Variants in NUMA1 observed in about 807,000 individuals in gnomAD.
The protein encoded by NUMA1 is nuclear mitotic apparatus protein 1.
Under a neutral mutation model 237.1 loss-of-function variants are expected in NUMA1, and 62 were observed. The ratio of observed to expected loss-of-function variants is 0.26; its 90% CI spans 0.21 to 0.32. NUMA1 has a LOEUF of 0.32. NUMA1 is among the 10% of genes least tolerant of loss of function. The probability of loss-of-function intolerance (pLI) is 1.00; values close to 1 mark genes in which losing one functional copy is unlikely to be tolerated. For synonymous variants in NUMA1, 1,028 were observed against 1,066.1 expected (o/e 0.96, Z 0.70); for missense variants, 2,533 against 2,666.5 (o/e 0.95, Z 1.10).
chr11:72,018,560 A>C, intron 10 of NUMA1, 47 bp from the exon 11 acceptor site: 2 of 1,518,546 alleles, frequency 1.3e-6, no homozygotes, highest in Non-Finnish European at 1.8e-6. Context: ...AACTATGTGC[A>C]TGAGCGGAAC....
In NUMA1 at chr11:72,017,835, G is replaced by A. The variant is rs373440927; in HGVS notation, c.979-8C>T. On this transcript the variant is annotated splice_region_variant and splice_polypyrimidine_tract_variant and intron_variant, in intron 12 of 26. Transcript: ENST00000393695. ...ACTGGCAAACTCCCGCAGCTGAGAC[G>A]GGCAAGTGAGAATCCCCATCACCCA... 87 of 1,568,576 alleles carry A rather than the reference G, an allele frequency of 5.5e-5. 1 individual carries two copies. The highest frequency in any genetic ancestry group is 5.1e-4 in the South Asian group (46 of 89,450).
chr11:72,033,364 GTTTTTTTTTTTT>G (rs58353057), intron 3 of NUMA1, among the ~76,000 whole-genome samples: 4 of 144,690 alleles, frequency 2.8e-5, no homozygotes, highest in African/African-American at 5.3e-5. Flanking sequence ...CATGTTCTTT[GTTTTTTTTTTTT>G]TTTTTTTTTT....
intron 2 of NUMA1, chr11:72,068,272 C>T (rs950658342): frequency 1.3e-5 from 2 of 152,230 alleles, no homozygotes; most frequent in Non-Finnish European, 2.9e-5. Context: ...TCCCTCAACA[C>T]ACTTGTGTTT....
In NUMA1 at chr11:72,029,225, G is replaced by A. The variant is rs558982815; in HGVS notation, c.108C>T (p.Phe36=). Reference sequence around the variant, plus strand: ...CTCACATTCTGTCAATGATCTTGATGAAGATGCTGCAGTCCTGGAGCTGCA... The same window carrying A: ...CTCACATTCTGTCAATGATCTTGATAAAGATGCTGCAGTCCTGGAGCTGCA... The part of the protein sequence containing the change: ...AVLQLQDCSI[F]IKIIDRIHGT... Residue 36 remains phenylalanine, a synonymous_variant, in exon 4 of 27, where the codon TTC becomes TTT. Coordinates refer to ENST00000393695, the MANE Select transcript of NUMA1 (RefSeq NM_006185.4). 7 of 1,611,302 alleles carry A rather than the reference G, an allele frequency of 4.3e-6. No homozygotes were observed. Among genetic ancestry groups the A allele is most frequent in the Non-Finnish European group, 5.1e-6 (6 of 1,179,552 alleles).
intron 2 of NUMA1, among the ~76,000 whole-genome samples, chr11:72,062,847 C>T (rs915774968): frequency 6.6e-5 from 10 of 151,452 alleles, no homozygotes; most frequent in Admixed American, 6.6e-4. Context: ...CCAAGGTGGG[C>T]GGATCACCTG....
In NUMA1 at chr11:72,032,405, G is replaced by A. The variant is rs1415653295; in HGVS notation, c.43-3115C>T. On this transcript the variant is annotated intron_variant, in intron 3 of 26. Coordinates refer to ENST00000393695, the MANE Select transcript of NUMA1 (RefSeq NM_006185.4). ...CTGCAGAAAATGAAGAGACTGCCAAGGCTAAACCATCTCCTATCAATACCT... is the reference window on the plus strand; with the variant it reads ...CTGCAGAAAATGAAGAGACTGCCAAAGCTAAACCATCTCCTATCAATACCT... 2.0e-5 allele frequency among the ~76,000 whole-genome samples: 3 copies of A among 152,082 alleles called. 1 individual carries two copies. The highest frequency in any genetic ancestry group is 4.4e-5 in the Non-Finnish European group (3 of 68,032).
intron 2 of NUMA1, among the ~76,000 whole-genome samples, chr11:72,058,914 A>G (rs952804902): frequency 6.6e-6 from 1 of 152,174 alleles, no homozygotes; most frequent in Non-Finnish European, 1.5e-5. Flanking sequence ...AATCCTGGCA[A>G]GTGCAGACAG....
At chr11:72,039,217 C>T (rs1941390391) in intron 2 of NUMA1, among the ~76,000 whole-genome samples, 1 of 152,216 alleles carries the variant, frequency 6.6e-6, no homozygotes, top group Non-Finnish European at 1.5e-5. Flanking sequence ...TAATGTAAAC[C>T]ACCTGCTCAG....
In NUMA1 at chr11:72,014,994, T is replaced by A; in HGVS notation, c.2509A>T (p.Thr837Ser). The A allele has an allele frequency of 2.5e-6, 4 of 1,614,028 alleles. No individual in the cohort carries two copies. Among genetic ancestry groups the A allele is most frequent in the Non-Finnish European group, 3.4e-6 (4 of 1,180,018 alleles). ...GCCTTCTCACATTCCTCCTTCAAAG[T>A]CATCAGCTGTTCCTGGAACATGGCG... ...YGAMFQEQLM[T>S]LKEECEKARQ... The change falls in exon 15 of 27, where the codon ACT becomes TCT. Residue 837 changes from threonine to serine, a missense_variant. Physicochemically the swap from Thr to Ser is moderately conservative, Grantham distance 58. Coordinates refer to ENST00000393695, the MANE Select transcript of NUMA1 (RefSeq NM_006185.4). The surrounding 1 kb of genome is among the most constrained non-coding windows in gnomAD (Gnocchi z 4.6).
At chr11:72,033,754 C>T (rs936440394) in intron 3 of NUMA1, among the ~76,000 whole-genome samples, 1 of 152,132 alleles carries the variant, frequency 6.6e-6, no homozygotes, top group East Asian at 1.9e-4. Flanking sequence ...GGCGCAGTGG[C>T]TCATGCCTAC....
intron 20 of NUMA1, chr11:72,008,282 C>CT (rs75516644): frequency 0.032 from 11,600 of 364,912 alleles, 152 homozygotes; most frequent in East Asian, 0.067. Flanking sequence ...TCCAAGGTTC[C>CT]TTTTTTTTTC....
chr11:72,009,463 G>C (rs1955994470), intron 17 of NUMA1, 76 bp from the exon 18 acceptor site: 6 of 1,507,446 alleles, frequency 4.0e-6, no homozygotes, highest in Non-Finnish European at 5.3e-6. Flanking sequence ...AGCCACTGGG[G>C]CTCCACAGGT....
At position 72,030,788 on chromosome 11, in the gene NUMA1, A is replaced by AATAG. The variant is rs1449545097; in HGVS notation, c.43-1499_43-1498insCTAT. ...CAGACAACTAGATTCTATTGCTTAC[A>AATAG]AATGTGTTCTCTATATTTGGGCTGG... On this transcript the variant is annotated intron_variant, in intron 3 of 26. Transcript: ENST00000393695. Among the ~76,000 whole-genome samples the AATAG allele has an allele frequency of 1.6e-4, 25 of 152,322 alleles. No homozygotes were observed. The South Asian group carries it at 5.0e-3, about 30-fold the overall frequency.
At position 72,013,013 on chromosome 11, in the gene NUMA1, T is replaced by G. The variant is rs1330239869; in HGVS notation, c.4490A>C (p.Glu1497Ala). The change falls in exon 15 of 27, where the codon GAA becomes GCA. Residue 1497 changes from glutamate to alanine, a missense_variant. By Grantham distance (107) the Glu-to-Ala change is moderately radical. Transcript: ENST00000393695. The surrounding 1 kb of genome is among the most constrained non-coding windows in gnomAD (Gnocchi z 6.8). The part of the protein sequence containing the change: ...AETRLAEVQR[E>A]AQSTARELEV... Reference sequence around the variant, plus strand: ...CAGCTCCCGGGCAGTGCTCTGTGCTTCTCGCTGCACCTCAGCCAGACGGGT... The same window carrying G: ...CAGCTCCCGGGCAGTGCTCTGTGCTGCTCGCTGCACCTCAGCCAGACGGGT... 4 of 1,614,140 alleles carry G rather than the reference T, an allele frequency of 2.5e-6. No individual in the cohort carries two copies. The highest frequency in any genetic ancestry group is 1.1e-5 in the South Asian group (1 of 91,078).
chr11:72,017,892 C>T, intron 12 of NUMA1, 65 bp from the exon 13 acceptor site: 1 of 1,558,712 alleles, frequency 6.4e-7, no homozygotes, highest in African/African-American at 1.3e-5. Context: ...CTGCTGTCTG[C>T]TCCCAGAACC....
chr11:72,048,521 G>A lies in NUMA1; in HGVS notation c.-32-12546C>T, dbSNP rs144701108. Among the ~76,000 whole-genome samples the A allele has an allele frequency of 4.3e-3, 658 of 152,090 alleles. 2 individuals are homozygous for A. The highest frequency in any genetic ancestry group is 0.015 in the African/African-American group (627 of 41,482). ...CGAGTAGCTGGGATTACAGGCGCTC[G>A]CCAACATGCCGGTCTAATTTTTTTT... On this transcript the variant is annotated intron_variant, in intron 2 of 26. Coordinates refer to ENST00000393695, the MANE Select transcript of NUMA1 (RefSeq NM_006185.4).
At chr11:72,056,108 C>G (rs1320282391) in intron 2 of NUMA1, among the ~76,000 whole-genome samples, 1 of 151,194 alleles carries the variant, frequency 6.6e-6, no homozygotes, top group African/African-American at 2.4e-5. Context: ...GAGATCATAC[C>G]AGTTCACTCC....
intron 5 of NUMA1, among the ~76,000 whole-genome samples, chr11:72,023,429 C>T (rs1291911330): frequency 6.6e-6 from 1 of 152,150 alleles, no homozygotes; most frequent in East Asian, 1.9e-4. Flanking sequence ...ACCCACTCAC[C>T]AACTCTCAGC....
rs768272519 is a variant in NUMA1 at position 72,005,241 on chromosome 11, C to T, written c.5821G>A (p.Glu1941Lys). ...PPHLKTCYPL[E>K]SRPSLSLGTI... Reference sequence around the variant, plus strand: ...GTGACCCCAGGCCTCACCCTGGACTCCAGGGGATAGCAGGTCTTCAGATGT... The same window carrying T: ...GTGACCCCAGGCCTCACCCTGGACTTCAGGGGATAGCAGGTCTTCAGATGT... Residue 1941 changes from glutamate to lysine, a missense_variant, in exon 23 of 27, where the codon GAG becomes AAG. Glu to Lys is a moderately conservative substitution (Grantham distance 56, BLOSUM62 1). This residue lies in a region of NUMA1 where 795 missense variants were observed against 750.8 expected (regional missense o/e 1.06). Transcript: ENST00000393695. 1 of 1,599,248 alleles carries T rather than the reference C, an allele frequency of 6.3e-7. No homozygotes were observed. Among genetic ancestry groups the T allele is most frequent in the Non-Finnish European group, 8.5e-7 (1 of 1,173,978 alleles).
Sources: allele counts gnomAD v4.1 joint callset (sites outside exome capture counted in the v4.1 genomes callset), GRCh38; gene constraint gnomAD v4.1.1; regional missense constraint gnomAD v4.1.1; non-coding constraint Gnocchi (gnomAD v3.1); transcripts MANE v1.5; gene names NCBI Gene and HGNC (gene_info 2026-07-23, HGNC 2026-07-21).